Variants in NCAPD3 observed in about 807,000 individuals in gnomAD.
The protein encoded by NCAPD3 is non-SMC condensin II complex subunit D3.
A neutral mutation model predicts 182.9 loss-of-function variants in NCAPD3; 105 were observed. The observed-to-expected ratio is 0.57, with a 90% CI of 0.49 to 0.68. The LOEUF (loss-of-function observed/expected upper bound fraction) is 0.68, where lower values mean the gene tolerates loss of function less well. Among genes scored for constraint, NCAPD3 ranks in the 30% least tolerant of loss-of-function variants. The pLI, the probability that NCAPD3 is intolerant of heterozygous loss-of-function variation, is 0.00. For missense variants in NCAPD3, 1,944 were observed against 1,837.0 expected, an observed-to-expected ratio of 1.06 and a Z score of -1.07; for synonymous variants, 815 against 679.9, an observed-to-expected ratio of 1.20 and a Z score of -3.09.
chr11:134,217,512 C>G (rs985547515), intron 2 of NCAPD3, among the ~76,000 whole-genome samples: 3 of 152,026 alleles, frequency 2.0e-5, no homozygotes, highest in Non-Finnish European at 4.4e-5. Context: ...AAATCAGAGC[C>G]CTTTATTTAA....
intron 34 of NCAPD3, 24 bp downstream of exon 34, chr11:134,153,116 C>A (rs372256466): frequency 1.9e-6 from 3 of 1,613,436 alleles, no homozygotes; most frequent in Admixed American, 3.3e-5. Flanking sequence ...ACATCCACCT[C>A]AAAAGGAACA....
intron 32 of NCAPD3, among the ~76,000 whole-genome samples, chr11:134,156,711 C>T (rs573044707): frequency 6.6e-6 from 1 of 152,188 alleles, no homozygotes; most frequent in East Asian, 1.9e-4. Flanking sequence ...ACACGGAGGG[C>T]CGCCTCCAGA....
intron 16 of NCAPD3, among the ~76,000 whole-genome samples, chr11:134,191,786 G>C (rs1944529957): frequency 6.6e-6 from 1 of 152,172 alleles, no homozygotes; most frequent in Non-Finnish European, 1.5e-5. Context: ...AAGTGTTTTG[G>C]ATTCTGGAAT....
chr11:134,208,296 C>T lies in NCAPD3; in HGVS notation c.882+568G>A, dbSNP rs962670957. 1.3e-5 allele frequency among the ~76,000 whole-genome samples: 2 copies of T among 152,232 alleles called. 1 individual carries two copies. Among genetic ancestry groups the T allele is most frequent in the Admixed American group, 1.3e-4 (2 of 15,288 alleles). ...CTAAGTTTAGTAACAGCATCATGCG[C>T]AACTAACTCTAACTGCAAAGTTTCT... On this transcript the variant is annotated intron_variant, in intron 7 of 34. Coordinates refer to ENST00000534548, the MANE Select transcript of NCAPD3 (RefSeq NM_015261.3).
intron 25 of NCAPD3, 34 bp from the exon 26 acceptor site, chr11:134,168,636 A>G (rs1039271479): frequency 1.2e-6 from 2 of 1,613,284 alleles, no homozygotes; most frequent in Non-Finnish European, 1.7e-6. Flanking sequence ...ACTGCATCAC[A>G]TGGGCACGGG....
rs1454292864 is a variant in NCAPD3, at chr11:134,152,880, C to G, written c.*64G>C. ...GGGAAGTGATCCAGCTGCCTTCACA[C>G]GGAGGACACGAGACTGCTTCCTCAA... On this transcript the variant is annotated 3_prime_UTR_variant, in exon 35 of 35. Transcript: ENST00000534548. 11 of 1,303,006 alleles carry G rather than the reference C, an allele frequency of 8.4e-6. No homozygotes were observed. The highest frequency in any genetic ancestry group is 1.2e-5 in the Non-Finnish European group (11 of 941,994). The allele number at this position is 1,303,006 out of a possible 1,614,324, so 80.7% of individuals were successfully genotyped here. A position where few individuals can be genotyped will look rare whatever the true frequency, so the allele number is the denominator to read the frequency against.
At chr11:134,154,480 C>T (rs905378711) in intron 32 of NCAPD3, among the ~76,000 whole-genome samples, 5 of 149,040 alleles carry the variant, frequency 3.4e-5, no homozygotes, top group African/African-American at 5.0e-5. Flanking sequence ...TCTCTGCACC[C>T]CCCCCCCCAC....
chr11:134,197,408 C>G (rs1051202954), intron 13 of NCAPD3, among the ~76,000 whole-genome samples: 12 of 151,646 alleles, frequency 7.9e-5, no homozygotes, highest in African/African-American at 2.7e-4. Flanking sequence ...TCCTAAGTAG[C>G]TGAGATTACA....
intron 8 of NCAPD3, among the ~76,000 whole-genome samples, chr11:134,206,063 G>GTCCTTGCC (rs1401209647): frequency 2.0e-5 from 3 of 152,194 alleles, no homozygotes; most frequent in African/African-American, 7.2e-5. Flanking sequence ...TAAGGCATGA[G>GTCCTTGCC]AGTTTTTAAG....
At chr11:134,208,972 A>G (rs1164189697) in intron 6 of NCAPD3, 21 bp from the exon 7 acceptor site, 1 of 1,539,046 alleles carries the variant, frequency 6.5e-7, no homozygotes, top group Admixed American at 1.8e-5. Flanking sequence ...AAGACGAAAT[A>G]TTAGTTAATG....
Position 134,200,701 on chromosome 11 carries a change from C to T in NCAPD3, c.1615+2115G>A, listed in dbSNP as rs545470582. 2.9e-3 allele frequency among the ~76,000 whole-genome samples: 438 copies of T among 152,288 alleles called. 1 individual carries two copies. Among genetic ancestry groups the T allele is most frequent in the Non-Finnish European group, 4.9e-3 (332 of 68,020 alleles). ...AAATGTTGAATATAGAGTTACCATACGACCCAGCAGTTCTCCTCCTAGGTA... is the reference window on the plus strand; with the variant it reads ...AAATGTTGAATATAGAGTTACCATATGACCCAGCAGTTCTCCTCCTAGGTA... On this transcript the variant is annotated intron_variant, in intron 13 of 34. Coordinates refer to ENST00000534548, the MANE Select transcript of NCAPD3 (RefSeq NM_015261.3).
In NCAPD3 at chr11:134,192,897, A is replaced by T. The variant is rs766657825; in HGVS notation, c.1837T>A (p.Cys613Ser). 1 of 1,605,878 alleles carries T rather than the reference A, an allele frequency of 6.2e-7. No homozygotes were observed. The highest frequency in any genetic ancestry group is 1.1e-5 in the South Asian group (1 of 90,926). ...AACCAGGCTTTCTGGATCTGCACGC[A>T]TCTAGGCTGAGCCTTAGGAGTGAAA... Reference protein sequence around the residue: ...LTELLMAQPRCVQIQKAWLRG... With the variant: ...LTELLMAQPRSVQIQKAWLRG... The change falls in exon 16 of 35, where the codon TGC (cysteine) becomes AGC (serine). Residue 613 changes from cysteine (C) to serine (S), a missense_variant. Physicochemically the swap from Cys to Ser is moderately radical, Grantham distance 112 (BLOSUM62 -1). Around this residue, in one of 3 missense-constraint regions of NCAPD3, gnomAD observed 1,803 missense variants for 1,674.6 expected, o/e 1.08. Coordinates refer to ENST00000534548, the MANE Select transcript of NCAPD3 (RefSeq NM_015261.3).
At chr11:134,192,648 GC>G (rs1486148595) in intron 16 of NCAPD3, 40 bp downstream of exon 16, 6 of 1,540,548 alleles carry the variant, frequency 3.9e-6, no homozygotes, top group Non-Finnish European at 5.4e-6. Context: ...AAGTCCTACG[GC>G]CTTCTTCTAT....
rs180956913 is a variant in NCAPD3, at chr11:134,159,836, G to A, written c.3867+56C>T. On this transcript the variant is annotated intron_variant, in intron 29 of 34. Coordinates refer to ENST00000534548, the MANE Select transcript of NCAPD3 (RefSeq NM_015261.3). ...AGAGGTGCCAGACAAACGACAGACTGGTAGCAGACAGCAGACTGGACTGTC... is the reference window on the plus strand; with the variant it reads ...AGAGGTGCCAGACAAACGACAGACTAGTAGCAGACAGCAGACTGGACTGTC... The A allele has an allele frequency of 5.6e-4, 866 of 1,538,858 alleles. 13 individuals are homozygous for A. The East Asian group carries it at 0.017, about 30-fold the overall frequency.
intron 3 of NCAPD3, among the ~76,000 whole-genome samples, chr11:134,211,826 G>A (rs1257279632): frequency 2.0e-5 from 3 of 152,122 alleles, no homozygotes; most frequent in South Asian, 2.1e-4. Flanking sequence ...CAGCAGGAGC[G>A]TAGAAACCAA....
chr11:134,218,883 T>G (rs1337487101), intron 2 of NCAPD3, among the ~76,000 whole-genome samples: 2 of 152,230 alleles, frequency 1.3e-5, no homozygotes, highest in Non-Finnish European at 2.9e-5. Flanking sequence ...GTCCACCTAC[T>G]GTCAAGAACG....
chr11:134,179,001 A>C (rs1944233492), intron 20 of NCAPD3, 65 bp from the exon 21 acceptor site: 1 of 1,074,120 alleles, frequency 9.3e-7, no homozygotes, highest in African/African-American at 1.6e-5. Flanking sequence ...AGCTAGATTA[A>C]GGACATGTCA....
In NCAPD3 at chr11:134,194,154, G is replaced by A. The variant is rs1944580301; in HGVS notation, c.1690-4C>T. 1 of 1,613,380 alleles carries A rather than the reference G, an allele frequency of 6.2e-7. No homozygotes were observed. Among genetic ancestry groups the A allele is most frequent in the Non-Finnish European group, 8.5e-7 (1 of 1,179,732 alleles). ...GTTTCAAAATACTCACTAATACCTA[G>A]AAGGCATAGACGCAACATGAACTGT... On this transcript the variant is annotated splice_region_variant and splice_polypyrimidine_tract_variant and intron_variant, in intron 14 of 34. Coordinates refer to ENST00000534548, the MANE Select transcript of NCAPD3 (RefSeq NM_015261.3).
rs118101653 is a variant in NCAPD3 at position 134,192,914 on chromosome 11, G to A, written c.1825-5C>T. ...CTGCACGCATCTAGGCTGAGCCTTAGGAGTGAAAGATTATGACATGAGAAG... is the reference window on the plus strand; with the variant it reads ...CTGCACGCATCTAGGCTGAGCCTTAAGAGTGAAAGATTATGACATGAGAAG... On this transcript the variant is annotated splice_region_variant and splice_polypyrimidine_tract_variant and intron_variant, in intron 15 of 34. Transcript: ENST00000534548. 6.4e-6 allele frequency: 10 copies of A among 1,562,586 alleles called. No individual in the cohort carries two copies. The South Asian group carries it at 8.9e-5, about 14-fold the overall frequency.
Sources: gnomAD v4.1 joint callset for allele counts (sites outside exome capture counted in the v4.1 genomes callset) on GRCh38, gnomAD v4.1.1 for gene constraint, gnomAD v4.1.1 regional missense constraint, MANE v1.5 for transcripts, NCBI Gene and HGNC (gene_info 2026-07-23, HGNC 2026-07-21) for gene names.